The following CENATAC variants were observed in gnomAD, a reference collection of about 807,000 sequenced individuals.
CENATAC encodes the protein coiled-coil domain containing 84.
CENATAC carries 53 observed loss-of-function variants against 53.7 expected under a neutral mutation model. That is an observed-to-expected ratio of 0.99 (90% CI 0.79 to 1.24). The LOEUF (loss-of-function observed/expected upper bound fraction) is 1.24. CENATAC is among the 50% of genes most tolerant of loss of function. The probability of loss-of-function intolerance (pLI) is 0.00; values close to 1 mark genes in which losing one functional copy is unlikely to be tolerated. For missense variants in CENATAC, 474 were observed against 417.8 expected (o/e 1.13, Z -1.17); for synonymous variants, 156 against 144.6 (o/e 1.08, Z -0.57).
chr11:118,998,546 T>C lies in CENATAC; in HGVS notation c.237T>C (p.His79=). The change falls in exon 2 of 11, where the codon CAT becomes CAC. Residue 79 remains histidine, a synonymous_variant. Coordinates refer to ENST00000334418, the MANE Select transcript of CENATAC (RefSeq NM_198489.3). ...CGCEVREHLS[H]GNLTVLYGGL... is the part of the protein sequence containing the mutation. ...GTGAGGTGCGGGAACACCTGAGCCA[T>C]GGAAACCTGACGGTGCTGTACGGGG... The C allele has an allele frequency of 1.3e-6, 2 of 1,594,980 alleles. No homozygotes were observed. Among genetic ancestry groups the C allele is most frequent in the Non-Finnish European group, 1.7e-6 (2 of 1,170,552 alleles).
At chr11:119,000,617 G>T (rs1333205016) in intron 3 of CENATAC, among the ~76,000 whole-genome samples, 3 of 151,980 alleles carry the variant, frequency 2.0e-5, no homozygotes, top group African/African-American at 7.3e-5. Flanking sequence ...TTAGCTGGGT[G>T]TGGTGGTGGG....
intron 9 of CENATAC, 92 bp from the exon 10 acceptor site, chr11:119,015,215 C>A: frequency 6.8e-7 from 1 of 1,479,566 alleles, no homozygotes; most frequent in Non-Finnish European, 9.2e-7. Flanking sequence ...CACTTGAGCC[C>A]AGAAGTTTGA....
At chr11:119,003,748 A>G (rs540262313) in intron 3 of CENATAC, 1 of 165,062 alleles carries the variant, frequency 6.1e-6, no homozygotes, top group African/African-American at 2.5e-5. Context: ...CCTTCCGAGT[A>G]GCTGGAACTA....
In CENATAC at chr11:119,015,241, C is replaced by G. The variant is rs782234819; in HGVS notation, c.806-66C>G. The G allele has an allele frequency of 2.4e-4, 366 of 1,518,260 alleles. 1 individual carries two copies. Among genetic ancestry groups the G allele is most frequent in the Non-Finnish European group, 3.1e-4 (352 of 1,117,968 alleles). 94.0% of individuals were successfully genotyped at this position (1,518,260 alleles called of 1,614,324 possible). On this transcript the variant is annotated intron_variant, in intron 9 of 10. Transcript: ENST00000334418. ...AGAAGTTTGAAAACAGCCTGGACAA[C>G]ATAGTGAGACCCCATCTCTATATTC...
At chr11:119,013,311 T>C (rs1942966366) in intron 8 of CENATAC, 49 bp downstream of exon 8, 1 of 1,489,164 alleles carries the variant, frequency 6.7e-7, no homozygotes, top group Non-Finnish European at 9.2e-7. Flanking sequence ...TTTTTTTTTT[T>C]TTTGAGATGG....
chr11:119,015,109 T>G (rs782222545), intron 9 of CENATAC, 26 bp downstream of exon 9: 1 of 1,560,096 alleles, frequency 6.4e-7, no homozygotes, highest in Non-Finnish European at 8.8e-7. Flanking sequence ...CAAGAGAGGA[T>G]CGTCTAAATC....
rs1251634838 is a variant in CENATAC at position 118,998,238 on chromosome 11, T to G, written c.41T>G (p.Phe14Cys). The G allele has an allele frequency of 2.5e-6, 4 of 1,586,458 alleles. No individual in the cohort carries two copies. The highest frequency in any genetic ancestry group is 1.3e-5 in the African/African-American group (1 of 74,380). The change falls in exon 1 of 11, where the codon TTC (phenylalanine) becomes TGC (cysteine). Residue 14 changes from phenylalanine to cysteine, a missense_variant. Coordinates refer to ENST00000334418, the MANE Select transcript of CENATAC (RefSeq NM_198489.3). ...CGCTGCCCTCTGTGCCGCCAGACCTTCTTCTGTGGTCGCGGGCACGTTTAC... is the reference window on the plus strand; with the variant it reads ...CGCTGCCCTCTGTGCCGCCAGACCTGCTTCTGTGGTCGCGGGCACGTTTAC... ...AQRCPLCRQT[F>C]FCGRGHVYSR...
chr11:119,011,040 G>T (rs1942844427), intron 4 of CENATAC, among the ~76,000 whole-genome samples, 181 bp from the exon 5 acceptor site: 1 of 152,216 alleles, frequency 6.6e-6, no homozygotes, highest in Non-Finnish European at 1.5e-5. Flanking sequence ...CTATGAGAAT[G>T]TAACACCACC....
chr11:119,012,354 C>G lies in CENATAC; in HGVS notation c.684+100C>G, dbSNP rs1375054894. On this transcript the variant is annotated intron_variant, in intron 7 of 10. Transcript: ENST00000334418. ...CCTATTCAAGCCACTGCTGCCTCCA[C>G]TGCAGGCTTTTCCTTCTTCCTTCAC... 9.1e-6 allele frequency: 12 copies of G among 1,320,038 alleles called. No individual in the cohort carries two copies. The East Asian group carries it at 2.4e-4, about 27-fold the overall frequency. The allele number at this position is 1,320,038 out of a possible 1,614,324, so 81.8% of individuals were successfully genotyped here. A position where few individuals can be genotyped will look rare whatever the true frequency, so the allele number is the denominator to read the frequency against.
At position 119,015,445 on chromosome 11, in the gene CENATAC, T is replaced by G. The variant is rs371992796; in HGVS notation, c.938+6T>G. The G allele has an allele frequency of 3.0e-5, 48 of 1,613,916 alleles. No individual in the cohort carries two copies. The highest frequency in any genetic ancestry group is 5.1e-6 in the Non-Finnish European group (6 of 1,179,894). On this transcript the variant is annotated splice_donor_region_variant and intron_variant, in intron 10 of 10. Coordinates refer to ENST00000334418, the MANE Select transcript of CENATAC (RefSeq NM_198489.3). ...GGACGCCGCTGGCAGTCCAGGTATG[T>G]GTGTTCAGTGCCGGGTCTCCAACCT...
intron 3 of CENATAC, chr11:119,005,887 G>T (rs1166332201): frequency 6.6e-6 from 1 of 150,884 alleles, no homozygotes; most frequent in Non-Finnish European, 1.5e-5. Context: ...AGTCTGTACA[G>T]TCCATTATTA....
In CENATAC at chr11:119,015,033, T is replaced by A; in HGVS notation, c.755T>A (p.Ile252Asn). 1 of 1,612,300 alleles carries A rather than the reference T, an allele frequency of 6.2e-7. No individual in the cohort carries two copies. The change falls in exon 9 of 11, where the codon ATT becomes AAT. Residue 252 changes from isoleucine to asparagine, a missense_variant. Coordinates refer to ENST00000334418, the MANE Select transcript of CENATAC (RefSeq NM_198489.3). ...PPWMIQDEEY[I>N]AGNQEIGPSY... The stretch of plus-strand genomic sequence containing the variant: ...TGGATGATCCAAGATGAAGAATACA[T>A]TGCTGGGAACCAAGAAATAGGACCA...
chr11:118,998,942 C>A, intron 2 of CENATAC, 69 bp from the exon 3 acceptor site: 1 of 1,235,356 alleles, frequency 8.1e-7, no homozygotes, highest in Non-Finnish European at 1.2e-6. Context: ...GCATTACAAA[C>A]CTAATGCTTA....
chr11:119,001,634 T>C, intron 3 of CENATAC: 1 of 456,002 alleles, frequency 2.2e-6, no homozygotes, highest in Non-Finnish European at 4.4e-6. Context: ...CATCTGCAAG[T>C]TTTTTCAAAT....
rs985192985 is a variant in CENATAC, at chr11:119,002,241, A to G, written c.383+3132A>G. ...CTCTGTCTCAAAAAAAAAAAAAAAA[A>G]AAAAAAAGAAACTGATCACATATCA... On this transcript the variant is annotated intron_variant, in intron 3 of 10. Coordinates refer to ENST00000334418, the MANE Select transcript of CENATAC (RefSeq NM_198489.3). 4.1e-4 allele frequency among the ~76,000 whole-genome samples: 62 copies of G among 151,510 alleles called. No homozygotes were observed. The East Asian group carries it at 5.0e-3, about 12-fold the overall frequency.
intron 3 of CENATAC, chr11:119,003,293 A>AG: frequency 1.9e-6 from 1 of 527,146 alleles, no homozygotes; most frequent in Non-Finnish European, 3.7e-6. Context: ...CTGCCTCCGG[A>AG]GTCGCAATGT....
Position 119,015,410 on chromosome 11 carries a change from C to G in CENATAC, c.909C>G (p.Val303=), listed in dbSNP as rs1377628226. ...GCTGGCTGCCCTCTTTTGGCCGCGT[C>G]TGGAATAATGGACGCCGCTGGCAGT... ...SAGWLPSFGR[V]WNNGRRWQSR... The change falls in exon 10 of 11, where the codon GTC becomes GTG. Residue 303 remains valine, a synonymous_variant. Coordinates refer to ENST00000334418, the MANE Select transcript of CENATAC (RefSeq NM_198489.3). 1 of 1,614,196 alleles carries G rather than the reference C, an allele frequency of 6.2e-7. No individual in the cohort carries two copies. The highest frequency in any genetic ancestry group is 2.2e-5 in the East Asian group (1 of 44,894).
chr11:119,003,376 C>T, intron 3 of CENATAC: 1 of 527,990 alleles, frequency 1.9e-6, no homozygotes, highest in South Asian at 1.4e-5. Context: ...TCAACACTGC[C>T]TTCTTGGCCT....
rs368727870 is a variant in CENATAC at position 118,998,545 on chromosome 11, A to T, written c.236A>T (p.His79Leu). The T allele has an allele frequency of 5.6e-6, 9 of 1,595,728 alleles. No homozygotes were observed. The African/African-American group carries it at 1.1e-4, about 19-fold the overall frequency. ...TGTGAGGTGCGGGAACACCTGAGCC[A>T]TGGAAACCTGACGGTGCTGTACGGG... ...CGCEVREHLS[H>L]GNLTVLYGGL... The change falls in exon 2 of 11, where the codon CAT becomes CTT. Residue 79 changes from histidine to leucine, a missense_variant. Coordinates refer to ENST00000334418, the MANE Select transcript of CENATAC (RefSeq NM_198489.3).
Sources: gnomAD v4.1 joint callset for allele counts (sites outside exome capture counted in the v4.1 genomes callset) on GRCh38, gnomAD v4.1.1 for gene constraint, MANE v1.5 for transcripts, NCBI Gene and HGNC (gene_info 2026-07-23, HGNC 2026-07-21) for gene names.